Variants in PPP1R10 observed in about 807,000 individuals in gnomAD.
PPP1R10 encodes the protein serine/threonine-protein phosphatase 1 regulatory subunit 10.
A neutral mutation model predicts 99.0 loss-of-function variants in PPP1R10; 15 were observed. The observed-to-expected ratio is 0.15, with a 90% confidence interval of 0.10 to 0.23. PPP1R10 has a LOEUF of 0.23. PPP1R10 is among the 10% of genes least tolerant of loss of function. The pLI, the probability that PPP1R10 is intolerant of heterozygous loss-of-function variation, is 1.00. For missense variants in PPP1R10, 947 were observed against 1,259.4 expected (o/e 0.75, Z 3.75); for synonymous variants, 430 against 449.5 (o/e 0.96, Z 0.55).
chr6:30,614,360 C>T (rs1234419959), intron 2 of PPP1R10, among the ~76,000 whole-genome samples: 1 of 151,904 alleles, frequency 6.6e-6, no homozygotes, highest in Non-Finnish European at 1.5e-5. Flanking sequence ...TACCAGAAAC[C>T]GTAGCTTGAT....
chr6:30,607,907 G>A lies in PPP1R10; in HGVS notation c.331-16C>T. 6.2e-7 allele frequency: 1 copy of A among 1,612,474 alleles called. No individual in the cohort carries two copies. Among genetic ancestry groups the A allele is most frequent in the Non-Finnish European group, 8.5e-7 (1 of 1,179,692 alleles). On this transcript the variant is annotated splice_polypyrimidine_tract_variant and intron_variant, in intron 5 of 19. Transcript: ENST00000376511. ...CTGTGTTGTTCTATGAGAGATGGGA[G>A]CAGCAGAAAGGTAAATGCCAGGAGG...
At position 30,604,684 on chromosome 6, in the gene PPP1R10, A is replaced by G. The variant is rs760702506; in HGVS notation, c.1006T>C (p.Ser336Pro). ...GAAGGTGGTGCTGGTTCTGGGGAAG[A>G]AGGTTTGGCTGTGCTTGGTTCTGTG... ...TSTEPSTAKP[S>P]SPEPAPPSEA... The change falls in exon 12 of 20, where the codon TCT becomes CCT. Residue 336 changes from serine to proline, a missense_variant. Ser to Pro is a moderately conservative substitution (Grantham distance 74, BLOSUM62 -1). Around this residue, in one of 10 missense-constraint regions of PPP1R10, gnomAD observed 100 missense variants for 105.8 expected, o/e 0.94. Coordinates refer to ENST00000376511, the MANE Select transcript of PPP1R10 (RefSeq NM_002714.4). This position sits in a 1 kb window ranked among gnomAD's most constrained non-coding sequence, Gnocchi z 7.3. The G allele has an allele frequency of 1.2e-6, 2 of 1,613,120 alleles. No individual in the cohort carries two copies. The highest frequency in any genetic ancestry group is 1.1e-5 in the South Asian group (1 of 91,086).
In PPP1R10 at chr6:30,606,708, T is replaced by G; in HGVS notation, c.461-67A>C. The G allele has an allele frequency of 6.2e-7, 1 of 1,611,082 alleles. No homozygotes were observed. The highest frequency in any genetic ancestry group is 1.1e-5 in the South Asian group (1 of 91,034). ...GAACACTGTCAGAGGTGAAGCAGACTGGGAGCACCTAAAGGCCACATCCCA... is the reference window on the plus strand; with the variant it reads ...GAACACTGTCAGAGGTGAAGCAGACGGGGAGCACCTAAAGGCCACATCCCA... On this transcript the variant is annotated intron_variant, in intron 7 of 19. Transcript: ENST00000376511. The surrounding 1 kb of genome is among the most constrained non-coding windows in gnomAD (Gnocchi z 6.3).
In PPP1R10 at chr6:30,616,341, T is replaced by C. The variant is rs939105420; in HGVS notation, c.-12+137A>G. On this transcript the variant is annotated intron_variant, in intron 2 of 19. Coordinates refer to ENST00000376511, the MANE Select transcript of PPP1R10 (RefSeq NM_002714.4). ...ACCCACAGGCCCTTTTTAATGGAGA[T>C]TAAGTGACCAGATTGGTCCTTCTCC... The C allele has an allele frequency of 5.9e-5, 9 of 152,764 alleles. No individual in the cohort carries two copies. In the East Asian group the frequency reaches 1.7e-3, roughly 29 times the overall value. The allele number at this position is 152,764 out of a possible 1,614,324, so 9.5% of individuals were successfully genotyped here. A position where few individuals can be genotyped will look rare whatever the true frequency, so the allele number is the denominator to read the frequency against.
Position 30,602,571 on chromosome 6 carries a change from C to A in PPP1R10, c.2078G>T (p.Arg693Leu), listed in dbSNP as rs758767556. The A allele has an allele frequency of 1.9e-6, 3 of 1,564,440 alleles. No individual in the cohort carries two copies. Among genetic ancestry groups the A allele is most frequent in the East Asian group, 2.3e-5 (1 of 44,236 alleles). ...PGDPMRGGPM[R>L]GGPGPGPGPY... ...TCCAGGACCTGGTCCTGGACCCCCC[C>A]GCATTGGGCCACCCCGCATAGGGTC... Residue 693 changes from arginine (R) to leucine (L), a missense_variant, in exon 19 of 20, where the codon CGG (arginine) becomes CTG (leucine). Arg to Leu is a moderately radical substitution (Grantham distance 102). Coordinates refer to ENST00000376511, the MANE Select transcript of PPP1R10 (RefSeq NM_002714.4). The surrounding 1 kb of genome is among the most constrained non-coding windows in gnomAD (Gnocchi z 6.7).
chr6:30,611,491 A>G (rs1216395413), intron 2 of PPP1R10, among the ~76,000 whole-genome samples: 2 of 152,242 alleles, frequency 1.3e-5, no homozygotes, highest in Admixed American at 6.5e-5. Flanking sequence ...AGTATTTTAC[A>G]AAGATGAGTA....
chr6:30,613,088 CAG>C (rs764468964), intron 2 of PPP1R10, among the ~76,000 whole-genome samples: 3 of 152,174 alleles, frequency 2.0e-5, no homozygotes, highest in Admixed American at 1.3e-4. Context: ...ATGTTTCAGG[CAG>C]AGCCATACTC....
In PPP1R10 at chr6:30,609,242, C is replaced by G; in HGVS notation, c.108-79G>C. The G allele has an allele frequency of 3.1e-6, 4 of 1,294,890 alleles. No individual in the cohort carries two copies. Among genetic ancestry groups the G allele is most frequent in the Non-Finnish European group, 4.4e-6 (4 of 901,170 alleles). The allele number at this position is 1,294,890 out of a possible 1,614,324, so 80.2% of individuals were successfully genotyped here. A position where few individuals can be genotyped will look rare whatever the true frequency, so the allele number is the denominator to read the frequency against. Reference sequence around the variant, plus strand: ...GCAAAAGCGCCTCTCTGTGAACTGCCTAGAGATTCCTAATGACTTGGGACT... The same window carrying G: ...GCAAAAGCGCCTCTCTGTGAACTGCGTAGAGATTCCTAATGACTTGGGACT... On this transcript the variant is annotated intron_variant, in intron 3 of 19. Transcript: ENST00000376511. The surrounding 1 kb of genome is among the most constrained non-coding windows in gnomAD (Gnocchi z 4.5).
At chr6:30,608,303 T>C (rs1261565240) in intron 5 of PPP1R10, among the ~76,000 whole-genome samples, 1 of 131,842 alleles carries the variant, frequency 7.6e-6, no homozygotes, top group African/African-American at 3.2e-5. Context: ...ACACATTCCT[T>C]TTTTTTTTTT....
In PPP1R10 at chr6:30,606,149, G is replaced by C. The variant is rs1204901689; in HGVS notation, c.729C>G (p.Leu243=). 6.2e-7 allele frequency: 1 copy of C among 1,614,096 alleles called. No homozygotes were observed. The highest frequency in any genetic ancestry group is 1.1e-5 in the South Asian group (1 of 91,080). ...AATATGGTCCATACCTCTGACGTTT[G>C]AGGGGGATGGGTTTAAGGTTGTACT... is the stretch of plus-strand genomic sequence containing the variant. ...SDKYNLKPIP[L]KRQSNVAAPG... Residue 243 remains leucine (L), a synonymous_variant, in exon 9 of 20, where the codon CTC becomes CTG. Coordinates refer to ENST00000376511, the MANE Select transcript of PPP1R10 (RefSeq NM_002714.4). This position sits in a 1 kb window ranked among gnomAD's most constrained non-coding sequence, Gnocchi z 6.3.
intron 2 of PPP1R10, among the ~76,000 whole-genome samples, chr6:30,612,061 A>G (rs138872874): frequency 2.6e-5 from 4 of 152,364 alleles, no homozygotes; most frequent in African/African-American, 9.6e-5. Context: ...TATGGGTTCC[A>G]ATAACAACAT....
At position 30,606,767 on chromosome 6, in the gene PPP1R10, T is replaced by C. The variant is rs753297330; in HGVS notation, c.460+12A>G. 1 of 1,613,522 alleles carries C rather than the reference T, an allele frequency of 6.2e-7. No homozygotes were observed. Among genetic ancestry groups the C allele is most frequent in the Non-Finnish European group, 8.5e-7 (1 of 1,179,488 alleles). On this transcript the variant is annotated intron_variant, in intron 7 of 19. Coordinates refer to ENST00000376511, the MANE Select transcript of PPP1R10 (RefSeq NM_002714.4). The surrounding 1 kb of genome is among the most constrained non-coding windows in gnomAD (Gnocchi z 6.3). ...GAAATAAATACAAAGGATAAAGGAC[T>C]AAGGAGCTTACCAGCAGGCTGGGTA...
At chr6:30,603,021 T>C in intron 17 of PPP1R10, 62 bp from the exon 18 acceptor site, 2 of 1,445,550 alleles carry the variant, frequency 1.4e-6, no homozygotes, top group Non-Finnish European at 1.9e-6. Flanking sequence ...TGATCTCCCA[T>C]TTAGGTGCAA....
Position 30,609,092 on chromosome 6 carries a change from G to A in PPP1R10, c.179C>T (p.Pro60Leu). The change falls in exon 4 of 20, where the codon CCA (proline) becomes CTA (leucine). Residue 60 changes from proline (P) to leucine (L), a missense_variant. Transcript: ENST00000376511. This position sits in a 1 kb window ranked among gnomAD's most constrained non-coding sequence, Gnocchi z 4.5. ...CCCCACTTACTTGACCAATATTTCT[G>A]GTGAACGGGTCTGCAGGAGAATGTT... ...YLNILLQTRS[P>L]EILVKFIDVG... 4 of 1,613,946 alleles carry A rather than the reference G, an allele frequency of 2.5e-6. No individual in the cohort carries two copies. Among genetic ancestry groups the A allele is most frequent in the Non-Finnish European group, 3.4e-6 (4 of 1,180,020 alleles).
Position 30,609,082 on chromosome 6 carries a change from C to A in PPP1R10, c.189G>T (p.Leu63Phe). Residue 63 changes from leucine (L) to phenylalanine (F), a missense_variant, in exon 4 of 20, where the codon TTG becomes TTT. Physicochemically the swap from Leu to Phe is conservative, Grantham distance 22. Transcript: ENST00000376511. This position sits in a 1 kb window ranked among gnomAD's most constrained non-coding sequence, Gnocchi z 4.5. ...ILLQTRSPEI[L>F]VKFIDVGGYK... Reference sequence around the variant, plus strand: ...CCATCCAGATCCCCACTTACTTGACCAATATTTCTGGTGAACGGGTCTGCA... The same window carrying A: ...CCATCCAGATCCCCACTTACTTGACAAATATTTCTGGTGAACGGGTCTGCA... 6.2e-7 allele frequency: 1 copy of A among 1,614,030 alleles called. No homozygotes were observed. Among genetic ancestry groups the A allele is most frequent in the Non-Finnish European group, 8.5e-7 (1 of 1,180,006 alleles).
Position 30,601,918 on chromosome 6 carries a change from G to A in PPP1R10, c.2713+18C>T. 1 of 1,494,308 alleles carries A rather than the reference G, an allele frequency of 6.7e-7. No homozygotes were observed. Among genetic ancestry groups the A allele is most frequent in the African/African-American group, 1.4e-5 (1 of 71,338 alleles). 92.6% of individuals were successfully genotyped at this position (1,494,308 alleles called of 1,614,324 possible). A position where few individuals can be genotyped will look rare whatever the true frequency, so the allele number is the denominator to read the frequency against. ...TGGGACAACCAAAAGGCATATGGGG[G>A]ACAGGGAGCATCCTCACCTCCTCCA... is the stretch of plus-strand genomic sequence containing the variant. On this transcript the variant is annotated intron_variant, in intron 19 of 19. Transcript: ENST00000376511.
At position 30,609,266 on chromosome 6, in the gene PPP1R10, C is replaced by G. The variant is rs913436503; in HGVS notation, c.108-103G>C. 9.3e-7 allele frequency: 1 copy of G among 1,075,432 alleles called. No homozygotes were observed. Among genetic ancestry groups the G allele is most frequent in the Non-Finnish European group, 1.4e-6 (1 of 716,580 alleles). The allele number at this position is 1,075,432 out of a possible 1,614,324, so 66.6% of individuals were successfully genotyped here. ...CCTAGAGATTCCTAATGACTTGGGACTTTGCTCCAGAGAAGGGGAGTCACA... is the reference window on the plus strand; with the variant it reads ...CCTAGAGATTCCTAATGACTTGGGAGTTTGCTCCAGAGAAGGGGAGTCACA... On this transcript the variant is annotated intron_variant, in intron 3 of 19. Transcript: ENST00000376511. The surrounding 1 kb of genome is among the most constrained non-coding windows in gnomAD (Gnocchi z 4.5).
At position 30,606,610 on chromosome 6, in the gene PPP1R10, T is replaced by C. The variant is rs935708390; in HGVS notation, c.492A>G (p.Gly164=). The C allele has an allele frequency of 2.5e-6, 4 of 1,614,106 alleles. No homozygotes were observed. The South Asian group carries it at 3.3e-5, about 13-fold the overall frequency. The change falls in exon 8 of 20, where the codon GGA becomes GGG. Residue 164 remains glycine (G), a synonymous_variant. Transcript: ENST00000376511. This position sits in a 1 kb window ranked among gnomAD's most constrained non-coding sequence, Gnocchi z 6.3. The stretch of plus-strand genomic sequence containing the variant: ...GCTCAGGAAGGGTAGTTCGACTTTT[T>C]CCTTCATCTTTACGTTTCTTCTTAT... ...EKDKKKRKDE[G]KSRTTLPERP...
chr6:30,610,205 G>A (rs1464565347), intron 2 of PPP1R10, among the ~76,000 whole-genome samples: 1 of 152,170 alleles, frequency 6.6e-6, no homozygotes, highest in Non-Finnish European at 1.5e-5. Context: ...GAGGAGTAGG[G>A]CAGCACACCT....
Sources: gnomAD v4.1 joint callset for allele counts (sites outside exome capture counted in the v4.1 genomes callset) on GRCh38, gnomAD v4.1.1 for gene constraint, gnomAD v4.1.1 regional missense constraint, Gnocchi (gnomAD v3.1) non-coding constraint, MANE v1.5 for transcripts, NCBI Gene and HGNC (gene_info 2026-07-23, HGNC 2026-07-21) for gene names.